The following CYTH3 variants were observed in gnomAD, a reference collection of about 807,000 sequenced individuals.
The protein encoded by CYTH3 is cytohesin 3.
Under a neutral mutation model 55.1 loss-of-function variants are expected in CYTH3, and 23 were observed. The observed-to-expected ratio is 0.42, with a 90% CI of 0.30 to 0.59. CYTH3 has a LOEUF of 0.59. CYTH3 is among the 20% of genes least tolerant of loss of function. The probability of loss-of-function intolerance (pLI) is 0.20; values close to 1 mark genes in which losing one functional copy is unlikely to be tolerated. For missense variants in CYTH3, 413 were observed against 524.8 expected (o/e 0.79, Z 2.08); for synonymous variants, 249 against 194.9 (o/e 1.28, Z -2.31).
intron 12 of CYTH3, 113 bp from the exon 13 acceptor site, chr7:6,165,129 C>T (rs1026725349): frequency 2.0e-5 from 31 of 1,562,350 alleles, no homozygotes; most frequent in Middle Eastern, 1.8e-4. Flanking sequence ...ATCTGAACGT[C>T]GGCTTTGGCA....
In CYTH3 at chr7:6,248,735, A is replaced by G. The variant is rs114990877; in HGVS notation, c.34+23739T>C. ...TTAGCACAGCCAACACCACATCTCC[A>G]TATGTTCCTCACAACCCTGCACTGA... On this transcript the variant is annotated intron_variant, in intron 1 of 12. Coordinates refer to ENST00000350796, the MANE Select transcript of CYTH3 (RefSeq NM_004227.4). 7.4e-3 allele frequency among the ~76,000 whole-genome samples: 1,134 copies of G among 152,280 alleles called. 12 individuals carry two copies. The highest frequency in any genetic ancestry group is 0.026 in the African/African-American group (1,088 of 41,550).
At chr7:6,264,800 T>A (rs933175154) in intron 1 of CYTH3, among the ~76,000 whole-genome samples, 23 of 152,230 alleles carry the variant, frequency 1.5e-4, no homozygotes, top group South Asian at 8.3e-4. Context: ...CTGTTCTAGA[T>A]CTTGGAGATA....
chr7:6,165,266 C>A lies in CYTH3; in HGVS notation c.1127+7G>T. 15 of 1,607,824 alleles carry A rather than the reference C, an allele frequency of 9.3e-6. No homozygotes were observed. The highest frequency in any genetic ancestry group is 1.3e-5 in the Non-Finnish European group (15 of 1,176,754). On this transcript the variant is annotated splice_region_variant and intron_variant, in intron 12 of 12. Transcript: ENST00000350796. ...GGGCCTGGCCCCGCCCCCGAGGCCC[C>A]ACTCACTTGATGGATTTCATCCACT... is the stretch of plus-strand genomic sequence containing the variant.
chr7:6,165,186 A>G, intron 12 of CYTH3, 87 bp downstream of exon 12: 1 of 1,560,328 alleles, frequency 6.4e-7, no homozygotes, highest in Non-Finnish European at 8.7e-7. Context: ...ACTCTTGCAC[A>G]CGGAAGCATC....
intron 4 of CYTH3, among the ~76,000 whole-genome samples, chr7:6,183,649 T>C (rs10240988): frequency 0.24 from 36,233 of 152,056 alleles, 5,056 homozygotes; most frequent in African/African-American, 0.39. Context: ...ACAGGTTTAA[T>C]AGGGGCATGG....
chr7:6,219,615 C>T (rs953107384), intron 1 of CYTH3, among the ~76,000 whole-genome samples: 1 of 152,112 alleles, frequency 6.6e-6, no homozygotes, highest in Non-Finnish European at 1.5e-5. Flanking sequence ...CAGCAAAAGC[C>T]AGGAATAGAA....
intron 1 of CYTH3, among the ~76,000 whole-genome samples, chr7:6,235,359 C>A (rs113075042): frequency 3.3e-5 from 5 of 152,144 alleles, no homozygotes; most frequent in African/African-American, 1.2e-4. Context: ...TGCCTGTAAT[C>A]CTAGCTACTC....
At chr7:6,229,523 C>G (rs1256194740) in intron 1 of CYTH3, among the ~76,000 whole-genome samples, 1 of 151,880 alleles carries the variant, frequency 6.6e-6, no homozygotes, top group African/African-American at 2.4e-5. Flanking sequence ...TAGAACATAT[C>G]TCAGGGCTGG....
At chr7:6,181,298 G>C (rs778612270) in intron 4 of CYTH3, among the ~76,000 whole-genome samples, 1 of 151,948 alleles carries the variant, frequency 6.6e-6, no homozygotes, top group Non-Finnish European at 1.5e-5. Context: ...TTCTTGTTTT[G>C]AGGTGTCACG....
intron 1 of CYTH3, among the ~76,000 whole-genome samples, chr7:6,215,565 G>A (rs1784407624): frequency 6.7e-6 from 1 of 150,250 alleles, no homozygotes; most frequent in African/African-American, 2.5e-5. Context: ...ACTCCAGCCT[G>A]GGCGACAGAG....
At chr7:6,254,128 G>C (rs757790787) in intron 1 of CYTH3, among the ~76,000 whole-genome samples, 2 of 152,170 alleles carry the variant, frequency 1.3e-5, no homozygotes, top group East Asian at 3.9e-4. Flanking sequence ...GTTGAAGTGA[G>C]CTGAGAGATC....
Position 6,171,060 on chromosome 7 carries a change from G to A in CYTH3, c.563-82C>T, listed in dbSNP as rs930297355. On this transcript the variant is annotated intron_variant, in intron 7 of 12. Coordinates refer to ENST00000350796, the MANE Select transcript of CYTH3 (RefSeq NM_004227.4). This position sits in a 1 kb window ranked among gnomAD's most constrained non-coding sequence, Gnocchi z 6.7. ...CCGCGTGCTGGGGGCCCGCCTGCAA[G>A]AGGTGCCCGGCCCACAGGTCGTCCT... The A allele has an allele frequency of 1.9e-6, 3 of 1,596,026 alleles. No homozygotes were observed. The highest frequency in any genetic ancestry group is 1.7e-4 in the Middle Eastern group (1 of 6,010).
intron 1 of CYTH3, among the ~76,000 whole-genome samples, chr7:6,201,320 A>AG (rs773854194): frequency 1.3e-4 from 20 of 152,356 alleles, no homozygotes; most frequent in Non-Finnish European, 2.6e-4. Context: ...ACTGAGCTGC[A>AG]GGGGCAGGCA....
intron 1 of CYTH3, among the ~76,000 whole-genome samples, chr7:6,246,574 T>TA (rs905614979): frequency 4.6e-5 from 7 of 152,116 alleles, no homozygotes; most frequent in African/African-American, 1.7e-4. Context: ...AATTTTTTTT[T>TA]AAAACCATAC....
intron 4 of CYTH3, among the ~76,000 whole-genome samples, chr7:6,179,681 CACA>C (rs1461092005): frequency 7.9e-5 from 8 of 101,580 alleles, no homozygotes; most frequent in African/African-American, 3.6e-4. Flanking sequence ...ACACACCACA[CACA>C]CCCCCCCACA....
intron 11 of CYTH3, 43 bp from the exon 12 acceptor site, chr7:6,165,470 G>C: frequency 6.2e-7 from 1 of 1,609,264 alleles, no homozygotes. Context: ...GGGGGCTTGG[G>C]GCAGGTTCCC....
At chr7:6,240,349 AGC>A (rs1779643136) in intron 1 of CYTH3, among the ~76,000 whole-genome samples, 2 of 151,626 alleles carry the variant, frequency 1.3e-5, no homozygotes, top group African/African-American at 4.8e-5. Flanking sequence ...TCTGTTGATG[AGC>A]AGATTCTAAA....
At chr7:6,249,119 T>G (rs1779897223) in intron 1 of CYTH3, among the ~76,000 whole-genome samples, 1 of 152,236 alleles carries the variant, frequency 6.6e-6, no homozygotes, top group Admixed American at 6.5e-5. Context: ...TAGCTATGTC[T>G]TCCTTTGGTG....
rs1032068823 is a variant in CYTH3 at position 6,170,408 on chromosome 7, C to G, written c.823+127G>C. The G allele has an allele frequency of 2.7e-5, 23 of 864,226 alleles. No homozygotes were observed. The highest frequency in any genetic ancestry group is 3.7e-5 in the Non-Finnish European group (21 of 568,382). 53.5% of individuals were successfully genotyped at this position (864,226 alleles called of 1,614,324 possible). On this transcript the variant is annotated intron_variant, in intron 9 of 12. Coordinates refer to ENST00000350796, the MANE Select transcript of CYTH3 (RefSeq NM_004227.4). The surrounding 1 kb of genome is among the most constrained non-coding windows in gnomAD (Gnocchi z 7.8). Reference sequence around the variant, plus strand: ...CTACCGAGAGCGGGCTCTGGCTTAACCGCGTTTCTTTTTAACGTCTCTGCC... The same window carrying G: ...CTACCGAGAGCGGGCTCTGGCTTAAGCGCGTTTCTTTTTAACGTCTCTGCC...
Sources: gnomAD v4.1 joint callset for allele counts (sites outside exome capture counted in the v4.1 genomes callset) on GRCh38, gnomAD v4.1.1 for gene constraint, Gnocchi (gnomAD v3.1) non-coding constraint, MANE v1.5 for transcripts, NCBI Gene and HGNC (gene_info 2026-07-23, HGNC 2026-07-21) for gene names.